The following RGS6 variants were observed in gnomAD, a reference collection of about 807,000 sequenced individuals.
RGS6 encodes the protein regulator of G protein signaling 6.
A neutral mutation model predicts 78.5 loss-of-function variants in RGS6; 30 were observed. The ratio of observed to expected loss-of-function variants is 0.38; its 90% confidence interval spans 0.29 to 0.52. The LOEUF (loss-of-function observed/expected upper bound fraction) is 0.52, where lower values mean the gene tolerates loss of function less well. Among genes scored for constraint, RGS6 ranks in the 20% least tolerant of loss-of-function variants. The probability of loss-of-function intolerance (pLI) is 0.85; values close to 1 mark genes in which losing one functional copy is unlikely to be tolerated. For missense variants in RGS6, 495 were observed against 609.7 expected (o/e 0.81, Z 1.98); for synonymous variants, 206 against 206.0 (o/e 1.00, Z 0.00).
chr14:71,911,863 G>A, the RGS6 span, among the ~76,000 whole-genome samples: 3 of 152,168 alleles, frequency 2.0e-5, no homozygotes, highest in Non-Finnish European at 4.4e-5. Context: ...TGAACAGGTC[G>A]GCTAAGCATA....
intron 2 of RGS6, among the ~76,000 whole-genome samples, chr14:72,232,634 A>G (rs575722998): frequency 6.6e-6 from 1 of 152,226 alleles, no homozygotes; most frequent in East Asian, 1.9e-4. Flanking sequence ...GGTGTCCTCA[A>G]TGGAGAGGCG....
At chr14:72,285,250 G>T (rs2062320144) in intron 2 of RGS6, among the ~76,000 whole-genome samples, 1 of 152,112 alleles carries the variant, frequency 6.6e-6, no homozygotes, top group African/African-American at 2.4e-5. Context: ...GAATGATATG[G>T]TTTGGCTGTG....
the RGS6 span, among the ~76,000 whole-genome samples, chr14:72,579,907 G>A: frequency 9.2e-5 from 14 of 152,212 alleles, no homozygotes; most frequent in Non-Finnish European, 1.6e-4. Flanking sequence ...ATAGGTGGAT[G>A]GGGCACGAAT....
At chr14:72,391,260 G>GA (rs33975442) in intron 3 of RGS6, among the ~76,000 whole-genome samples, 85,829 of 151,952 alleles carry the variant, frequency 0.56, 27,170 homozygotes, top group African/African-American at 0.86. Context: ...CAAACTTCAA[G>GA]AAAAAAATTC....
intron 3 of RGS6, among the ~76,000 whole-genome samples, chr14:72,379,981 T>C (rs1167076249): frequency 1.3e-5 from 2 of 151,930 alleles, no homozygotes; most frequent in East Asian, 1.9e-4. Flanking sequence ...CAGAGACCAA[T>C]AGAGCAGAAG....
In RGS6 at chr14:72,564,888, A is replaced by G. The variant is rs2097702682; in HGVS notation, c.*2421A>G. 1 of 152,368 alleles carries G rather than the reference A, an allele frequency of 6.6e-6. No individual in the cohort carries two copies. Among genetic ancestry groups the G allele is most frequent in the Non-Finnish European group, 1.5e-5 (1 of 68,192 alleles). 9.4% of individuals were successfully genotyped at this position (152,368 alleles called of 1,614,324 possible). A position where few individuals can be genotyped will look rare whatever the true frequency, so the allele number is the denominator to read the frequency against. On this transcript the variant is annotated 3_prime_UTR_variant, in exon 18 of 18. Coordinates refer to ENST00000553525, the MANE Select transcript of RGS6 (RefSeq NM_001204424.2). The stretch of plus-strand genomic sequence containing the variant: ...AGACTTCAGATGGACTCAAACCCAG[A>G]GCAATAATACTCTCACACCACCCCA...
intron 2 of RGS6, among the ~76,000 whole-genome samples, chr14:71,984,871 A>G (rs1595686718): frequency 1.3e-5 from 2 of 152,302 alleles, no homozygotes; most frequent in Admixed American, 1.3e-4. Context: ...TTTCCATTTA[A>G]AAAGTAATAA....
At chr14:72,504,831 G>C (rs527324551) in intron 13 of RGS6, among the ~76,000 whole-genome samples, 139 of 150,292 alleles carry the variant, frequency 9.2e-4, no homozygotes, top group Middle Eastern at 3.5e-3. Flanking sequence ...TCAGCTCACT[G>C]CAACCTCCGC....
At chr14:72,473,214 T>A (rs188744873) in intron 9 of RGS6, among the ~76,000 whole-genome samples, 1 of 152,126 alleles carries the variant, frequency 6.6e-6, no homozygotes, top group Non-Finnish European at 1.5e-5. Flanking sequence ...GAGGCCGAGG[T>A]GGGTGGATCA....
chr14:72,218,451 T>C (rs141297114), intron 2 of RGS6, among the ~76,000 whole-genome samples: 1 of 152,196 alleles, frequency 6.6e-6, no homozygotes, highest in East Asian at 1.9e-4. Flanking sequence ...TAATATGCTG[T>C]ATCAGTATAT....
intron 14 of RGS6, among the ~76,000 whole-genome samples, chr14:72,516,017 C>T (rs1266289478): frequency 6.6e-6 from 1 of 152,242 alleles, no homozygotes; most frequent in East Asian, 1.9e-4. Flanking sequence ...GGATTCAGCC[C>T]AGACGGCCTC....
chr14:71,885,528 G>T, the RGS6 span, among the ~76,000 whole-genome samples: 1 of 152,208 alleles, frequency 6.6e-6, no homozygotes, highest in Non-Finnish European at 1.5e-5. Context: ...GTGGAGAGAG[G>T]TCAGAGCATG....
intron 2 of RGS6, among the ~76,000 whole-genome samples, chr14:72,246,071 T>C (rs1458201096): frequency 6.6e-6 from 1 of 152,154 alleles, no homozygotes; most frequent in Non-Finnish European, 1.5e-5. Context: ...TATTTTGGGG[T>C]AGTATGTCTT....
At chr14:72,189,226 A>G (rs2097291742) in intron 2 of RGS6, among the ~76,000 whole-genome samples, 1 of 152,200 alleles carries the variant, frequency 6.6e-6, no homozygotes, top group African/African-American at 2.4e-5. Flanking sequence ...ATAAGGCACA[A>G]TTCCAAACAA....
intron 2 of RGS6, among the ~76,000 whole-genome samples, chr14:72,262,894 GC>G (rs1288807892): frequency 6.6e-6 from 1 of 152,022 alleles, no homozygotes; most frequent in Non-Finnish European, 1.5e-5. Context: ...CCCCATGTTG[GC>G]CCCTCCTCAG....
chr14:72,595,061 A>G, the RGS6 span: 1 of 152,266 alleles, frequency 6.6e-6, no homozygotes, highest in South Asian at 2.1e-4. Context: ...TGTCTCCCAT[A>G]AATGATTCAT....
At position 72,053,079 on chromosome 14, in the gene RGS6, CCCTTCCTTCCTTCCTTCCTT is replaced by C. The variant is rs1226350902; in HGVS notation, c.84+88237_84+88256del. On this transcript the variant is annotated intron_variant, in intron 2 of 17. Transcript: ENST00000553525. The stretch of plus-strand genomic sequence containing the variant: ...TCCCTCCCTCCCTCCCTCCCTCCCT[CCCTTCCTTCCTTCCTTCCTT>C]CCTTCCTTCCTTCCTTCCTTCCTTC... 7.4e-3 allele frequency among the ~76,000 whole-genome samples: 126 copies of C among 17,022 alleles called. 5 individuals carry two copies. Among genetic ancestry groups the C allele is most frequent in the South Asian group, 0.021 (4 of 190 alleles). The allele number at this position is 17,022 out of a possible 152,430, so 11.2% of individuals were successfully genotyped here.
chr14:72,543,547 C>T (rs149141421), intron 17 of RGS6, among the ~76,000 whole-genome samples: 17 of 152,220 alleles, frequency 1.1e-4, no homozygotes, highest in African/African-American at 4.1e-4. Flanking sequence ...TTTGCTTCAC[C>T]TTCCAGCTGT....
chr14:72,617,488 A>G, the RGS6 span, among the ~76,000 whole-genome samples: 3 of 152,074 alleles, frequency 2.0e-5, 1 homozygote, highest in Non-Finnish European at 4.4e-5. Context: ...GCGGAAGGAA[A>G]TTACTTATGA....
Sources: gnomAD v4.1 joint callset for allele counts (sites outside exome capture counted in the v4.1 genomes callset) on GRCh38, gnomAD v4.1.1 for gene constraint, MANE v1.5 for transcripts, NCBI Gene and HGNC (gene_info 2026-07-23, HGNC 2026-07-21) for gene names.